Variants in FOXN3 observed in about 807,000 individuals in gnomAD.
FOXN3 encodes the protein forkhead box protein N3.
A neutral mutation model predicts 38.4 loss-of-function variants in FOXN3; 7 were observed. The observed-to-expected ratio is 0.18, with a 90% confidence interval of 0.10 to 0.34. The LOEUF (loss-of-function observed/expected upper bound fraction) is 0.34, where lower values mean the gene tolerates loss of function less well. Ranked by LOEUF, FOXN3 falls within the 10% of genes least tolerant of loss-of-function variation. FOXN3 has a pLI of 1.00. For missense variants in FOXN3, 456 were observed against 613.4 expected (o/e 0.74, Z 2.71); for synonymous variants, 230 against 242.2 (o/e 0.95, Z 0.47).
intron 1 of FOXN3, among the ~76,000 whole-genome samples, chr14:89,603,629 A>G (rs1896205268): frequency 6.6e-6 from 1 of 152,246 alleles, no homozygotes; most frequent in African/African-American, 2.4e-5. Flanking sequence ...GTAATGGCAG[A>G]GTAAGTACCT....
intron 3 of FOXN3, among the ~76,000 whole-genome samples, chr14:89,318,208 G>A (rs1887788844): frequency 7.2e-6 from 1 of 139,348 alleles, no homozygotes; most frequent in Admixed American, 7.7e-5. Context: ...GCCCAGGCTG[G>A]AGTGCAATGG....
intron 1 of FOXN3, among the ~76,000 whole-genome samples, chr14:89,556,176 G>A (rs551591188): frequency 6.6e-6 from 1 of 152,144 alleles, no homozygotes; most frequent in African/African-American, 2.4e-5. Context: ...GGCTGGGGCG[G>A]GGGGATCACC....
At chr14:89,366,281 A>G (rs1890145495) in intron 2 of FOXN3, among the ~76,000 whole-genome samples, 1 of 151,610 alleles carries the variant, frequency 6.6e-6, no homozygotes, top group Non-Finnish European at 1.5e-5. Flanking sequence ...AAACTTTATT[A>G]TAGAAAAAAA....
intron 3 of FOXN3, among the ~76,000 whole-genome samples, chr14:89,306,349 C>T (rs1887373774): frequency 6.6e-6 from 1 of 150,950 alleles, no homozygotes; most frequent in Admixed American, 6.6e-5. Flanking sequence ...CACACACACA[C>T]ACACACTTTG....
chr14:89,194,874 C>CAT (rs558656720), intron 4 of FOXN3, among the ~76,000 whole-genome samples: 2 of 152,176 alleles, frequency 1.3e-5, no homozygotes, highest in East Asian at 1.9e-4. Flanking sequence ...GACACACACA[C>CAT]ATATATATAC....
At chr14:89,595,233 G>C (rs1232514568) in intron 1 of FOXN3, among the ~76,000 whole-genome samples, 2 of 151,948 alleles carry the variant, frequency 1.3e-5, no homozygotes, top group Non-Finnish European at 2.9e-5. Flanking sequence ...GCTGAGGCAG[G>C]AGAATGGTGT....
At chr14:89,393,846 G>C (rs1033744105) in intron 2 of FOXN3, among the ~76,000 whole-genome samples, 1 of 152,232 alleles carries the variant, frequency 6.6e-6, no homozygotes, top group Non-Finnish European at 1.5e-5. Flanking sequence ...AACTTGTCTA[G>C]AGCAGGAAAC....
chr14:89,288,712 CTCTCTCTCTCTCTATATATATA>C (rs1886744083), intron 3 of FOXN3, among the ~76,000 whole-genome samples: 23 of 69,124 alleles, frequency 3.3e-4, no homozygotes, highest in African/African-American at 6.7e-4. Context: ...CTCTCTCTCT[CTCTCTCTCTCTCTATATATATA>C]TATATATATA....
intron 2 of FOXN3, among the ~76,000 whole-genome samples, chr14:89,373,470 T>A (rs1385225630): frequency 9.4e-5 from 1 of 10,646 alleles, no homozygotes; most frequent in African/African-American, 4.3e-4. Flanking sequence ...CTTTTTGGGG[T>A]GGGGGTGGGG....
intron 4 of FOXN3, among the ~76,000 whole-genome samples, chr14:89,247,906 T>C (rs976148842): frequency 2.0e-5 from 3 of 152,238 alleles, no homozygotes; most frequent in Non-Finnish European, 4.4e-5. Context: ...TCCTCAAACA[T>C]TGCTGTTCTT....
chr14:89,253,868 C>T (rs1488065983), intron 4 of FOXN3, among the ~76,000 whole-genome samples: 1 of 152,216 alleles, frequency 6.6e-6, no homozygotes, highest in African/African-American at 2.4e-5. Context: ...GAGCAGATCA[C>T]TCATCTTTTC....
chr14:89,252,902 G>A (rs1189576441), intron 4 of FOXN3, among the ~76,000 whole-genome samples: 1 of 152,192 alleles, frequency 6.6e-6, no homozygotes, highest in African/African-American at 2.4e-5. Context: ...TGGCGGGTAG[G>A]TACTGTCCCA....
At chr14:89,481,883 A>G (rs1439316152) in intron 1 of FOXN3, among the ~76,000 whole-genome samples, 1 of 152,066 alleles carries the variant, frequency 6.6e-6, no homozygotes, top group Non-Finnish European at 1.5e-5. Flanking sequence ...AAACCAGGAT[A>G]TTTCTGGGTG....
chr14:89,156,715 T>C lies in FOXN3; in HGVS notation c.*5699A>G, dbSNP rs1439131046. 1.3e-5 allele frequency: 2 copies of C among 152,030 alleles called. No homozygotes were observed. Among genetic ancestry groups the C allele is most frequent in the African/African-American group, 4.8e-5 (2 of 41,380 alleles). 9.4% of individuals were successfully genotyped at this position (152,030 alleles called of 1,614,324 possible). ...GTATTAAAAAATGTACAAGTGTATATGCTTCCCAGACACACATGGATACAT... is the reference window on the plus strand; with the variant it reads ...GTATTAAAAAATGTACAAGTGTATACGCTTCCCAGACACACATGGATACAT... On this transcript the variant is annotated 3_prime_UTR_variant, in exon 6 of 6. Coordinates refer to ENST00000557258, the MANE Select transcript of FOXN3 (RefSeq NM_005197.4).
chr14:89,528,584 C>T (rs1346766869), intron 1 of FOXN3, among the ~76,000 whole-genome samples: 11 of 151,330 alleles, frequency 7.3e-5, no homozygotes, highest in African/African-American at 1.5e-4. Context: ...TTAGTAGAGA[C>T]GGGGTTTCTC....
At chr14:89,500,268 T>C (rs935353266) in intron 1 of FOXN3, among the ~76,000 whole-genome samples, 5 of 152,130 alleles carry the variant, frequency 3.3e-5, no homozygotes, top group African/African-American at 1.2e-4. Context: ...GAGCCACCGT[T>C]GTGTGTTTGG....
At chr14:89,472,254 C>CAA (rs1173781818) in intron 1 of FOXN3, among the ~76,000 whole-genome samples, 5 of 105,614 alleles carry the variant, frequency 4.7e-5, no homozygotes, top group Middle Eastern at 5.2e-3. Context: ...GAACCCATCT[C>CAA]AAAAAAAAAA....
intron 1 of FOXN3, among the ~76,000 whole-genome samples, chr14:89,479,149 A>G (rs1893273585): frequency 1.3e-5 from 2 of 152,140 alleles, no homozygotes; most frequent in South Asian, 4.2e-4. Flanking sequence ...CTCAGCCTGA[A>G]GATCTTGGGC....
intron 4 of FOXN3, chr14:89,230,899 ACTT>A (rs1474112097): frequency 1.1e-5 from 5 of 455,676 alleles, no homozygotes; most frequent in Non-Finnish European, 2.2e-5. Flanking sequence ...TTTATAAAGT[ACTT>A]CTTCTATTTT....
Sources: allele counts gnomAD v4.1 joint callset (sites outside exome capture counted in the v4.1 genomes callset), GRCh38; gene constraint gnomAD v4.1.1; transcripts MANE v1.5; gene names NCBI Gene and HGNC (gene_info 2026-07-23, HGNC 2026-07-21).